Variants in CLSTN2 observed in about 807,000 individuals in gnomAD.
CLSTN2 encodes calsyntenin-2.
Under a neutral mutation model 101.2 loss-of-function variants are expected in CLSTN2, and 48 were observed. The observed-to-expected ratio is 0.47, with a 90% confidence interval of 0.38 to 0.60. CLSTN2 has a LOEUF of 0.60. CLSTN2 is among the 20% of genes least tolerant of loss of function. The pLI is 0.00. For missense variants in CLSTN2, 1,160 were observed against 1,238.2 expected, an observed-to-expected ratio of 0.94 and a Z score of 0.95; for synonymous variants, 481 against 463.6, an observed-to-expected ratio of 1.04 and a Z score of -0.48.
At chr3:140,229,888 A>G (rs879551792) in intron 2 of CLSTN2, among the ~76,000 whole-genome samples, 1 of 152,112 alleles carries the variant, frequency 6.6e-6, no homozygotes, top group Non-Finnish European at 1.5e-5. Context: ...AGCTTTTCTC[A>G]TACTCACAGT....
intron 1 of CLSTN2, among the ~76,000 whole-genome samples, chr3:140,089,740 A>G (rs981945381): frequency 1.4e-4 from 21 of 151,470 alleles, no homozygotes; most frequent in Non-Finnish European, 1.5e-5. Flanking sequence ...CCTCCTGAGT[A>G]GCTGGGACTA....
At chr3:140,543,094 C>A (rs1310512201) in intron 9 of CLSTN2, among the ~76,000 whole-genome samples, 2 of 152,122 alleles carry the variant, frequency 1.3e-5, no homozygotes, top group Non-Finnish European at 2.9e-5. Context: ...ATGATGTACC[C>A]TGAGGATATC....
intron 6 of CLSTN2, among the ~76,000 whole-genome samples, chr3:140,457,685 G>A (rs918113944): frequency 2.6e-5 from 4 of 152,200 alleles, no homozygotes; most frequent in Non-Finnish European, 5.9e-5. Flanking sequence ...GTGGACAAGG[G>A]GCTGGATGGA....
At chr3:140,028,643 C>T (rs1206506321) in intron 1 of CLSTN2, among the ~76,000 whole-genome samples, 1 of 152,170 alleles carries the variant, frequency 6.6e-6, no homozygotes, top group African/African-American at 2.4e-5. Context: ...CCAGCCACAA[C>T]AAATGAATGG....
At chr3:140,143,585 C>G (rs2009735220) in intron 1 of CLSTN2, among the ~76,000 whole-genome samples, 1 of 152,170 alleles carries the variant, frequency 6.6e-6, no homozygotes, top group Non-Finnish European at 1.5e-5. Flanking sequence ...TCTGTACATC[C>G]CTGAGCCCAG....
chr3:140,249,286 G>A (rs1404730923), intron 2 of CLSTN2, among the ~76,000 whole-genome samples: 2 of 152,216 alleles, frequency 1.3e-5, no homozygotes, highest in Non-Finnish European at 2.9e-5. Context: ...TGAATGGACT[G>A]CTGCAGATGT....
At chr3:140,522,039 A>G (rs2107774086) in intron 8 of CLSTN2, among the ~76,000 whole-genome samples, 1 of 152,274 alleles carries the variant, frequency 6.6e-6, no homozygotes, top group East Asian at 1.9e-4. Flanking sequence ...CAGACCCGAG[A>G]CCCTGGTGGC....
At chr3:140,082,098 T>A (rs1408384096) in intron 1 of CLSTN2, among the ~76,000 whole-genome samples, 1 of 152,188 alleles carries the variant, frequency 6.6e-6, no homozygotes, top group Non-Finnish European at 1.5e-5. Context: ...AAGGACTGCT[T>A]CTGACTCACA....
chr3:140,491,451 A>G (rs1934350992), intron 8 of CLSTN2, among the ~76,000 whole-genome samples: 1 of 152,252 alleles, frequency 6.6e-6, no homozygotes, highest in Non-Finnish European at 1.5e-5. Context: ...TTTAGTAGTT[A>G]CCCATTTATT....
intron 12 of CLSTN2, among the ~76,000 whole-genome samples, chr3:140,561,899 C>A (rs530634013): frequency 6.6e-6 from 1 of 152,186 alleles, no homozygotes; most frequent in South Asian, 2.1e-4. Flanking sequence ...TCAAATCACA[C>A]CTTTTGGCTA....
chr3:140,245,658 T>C lies in CLSTN2; in HGVS notation c.232+69585T>C, dbSNP rs925803720. ...GCCCCAGAGACCATTAGCTCCGCCCTCCCACAAAAAAAATGTGACAACTGA... is the reference window on the plus strand; with the variant it reads ...GCCCCAGAGACCATTAGCTCCGCCCCCCCACAAAAAAAATGTGACAACTGA... On this transcript the variant is annotated intron_variant, in intron 2 of 16. Transcript: ENST00000458420. Among the ~76,000 whole-genome samples, 6 of 10,420 alleles carry C rather than the reference T, an allele frequency of 5.8e-4. No individual in the cohort carries two copies. The Non-Finnish European group carries it at 7.8e-3, about 14-fold the overall frequency. The allele number at this position is 10,420 out of a possible 152,430, so 6.8% of individuals were successfully genotyped here.
intron 9 of CLSTN2, among the ~76,000 whole-genome samples, chr3:140,542,946 C>T (rs766169635): frequency 2.0e-5 from 3 of 152,174 alleles, no homozygotes; most frequent in Non-Finnish European, 2.9e-5. Context: ...TGTACTCACA[C>T]TATAGGAACA....
chr3:140,501,436 G>A (rs765531830), intron 8 of CLSTN2, among the ~76,000 whole-genome samples: 4 of 151,104 alleles, frequency 2.6e-5, no homozygotes, highest in Admixed American at 1.3e-4. Context: ...TGCGTCCTTA[G>A]GGATTAAATG....
At chr3:140,497,024 C>G (rs1934480345) in intron 8 of CLSTN2, among the ~76,000 whole-genome samples, 1 of 149,824 alleles carries the variant, frequency 6.7e-6, no homozygotes, top group African/African-American at 2.5e-5. Context: ...TCACTTGAAC[C>G]TGGGAGGCAG....
At chr3:140,399,055 T>C (rs1455008841) in intron 2 of CLSTN2, among the ~76,000 whole-genome samples, 1 of 152,256 alleles carries the variant, frequency 6.6e-6, no homozygotes, top group Non-Finnish European at 1.5e-5. Flanking sequence ...GTGAGCCTGG[T>C]GGCCTGGTGC....
chr3:140,518,589 A>G (rs1934965147), intron 8 of CLSTN2, among the ~76,000 whole-genome samples: 1 of 152,160 alleles, frequency 6.6e-6, no homozygotes, highest in Admixed American at 6.5e-5. Context: ...GTTCCCCAGT[A>G]AGGGTGTAAA....
intron 1 of CLSTN2, among the ~76,000 whole-genome samples, chr3:140,010,669 G>T (rs776629448): frequency 3.5e-4 from 53 of 152,250 alleles, no homozygotes; most frequent in Admixed American, 5.2e-4. Context: ...GAGACCAGAA[G>T]GAAAGAGAGG....
chr3:140,504,321 A>G (rs1934641472), intron 8 of CLSTN2, among the ~76,000 whole-genome samples: 1 of 150,822 alleles, frequency 6.6e-6, no homozygotes. Flanking sequence ...ACATCTTACA[A>G]ATTACTAATA....
At chr3:140,239,046 C>T (rs1023901839) in intron 2 of CLSTN2, among the ~76,000 whole-genome samples, 3 of 152,142 alleles carry the variant, frequency 2.0e-5, no homozygotes, top group Non-Finnish European at 4.4e-5. Context: ...GTACTTTTCT[C>T]AAATGTACTT....
Sources: gnomAD v4.1 joint callset for allele counts (sites outside exome capture counted in the v4.1 genomes callset) on GRCh38, gnomAD v4.1.1 for gene constraint, MANE v1.5 for transcripts, NCBI Gene and HGNC (gene_info 2026-07-23, HGNC 2026-07-21) for gene names.